PLEKHH1: variants seen among roughly 807,000 people sequenced by gnomAD.
The protein encoded by PLEKHH1 is pleckstrin homology, MyTH4 and FERM domain containing H1.
A neutral mutation model predicts 160.0 loss-of-function variants in PLEKHH1; 104 were observed. The ratio of observed to expected loss-of-function variants is 0.65; its 90% confidence interval spans 0.55 to 0.76. The LOEUF is 0.76. Among genes scored for constraint, PLEKHH1 ranks in the 30% least tolerant of loss-of-function variants. The pLI, the probability that PLEKHH1 is intolerant of heterozygous loss-of-function variation, is 0.00. For synonymous variants in PLEKHH1, 619 were observed against 678.4 expected (o/e 0.91, Z 1.36); for missense variants, 1,427 against 1,724.1 (o/e 0.83, Z 3.05).
intron 8 of PLEKHH1, 53 bp from the exon 9 acceptor site, chr14:67,569,868 C>A (rs1337701291): frequency 2.6e-6 from 3 of 1,167,030 alleles, no homozygotes; most frequent in Non-Finnish European, 3.8e-6. Context: ...TTCCCCCACA[C>A]CCCTTCCTGG....
Position 67,551,434 on chromosome 14 carries a change from C to T in PLEKHH1, c.127-4391C>T, listed in dbSNP as rs188801589. Among the ~76,000 whole-genome samples the T allele has an allele frequency of 3.3e-5, 5 of 152,228 alleles. No individual in the cohort carries two copies. The East Asian group carries it at 9.6e-4, about 29-fold the overall frequency. On this transcript the variant is annotated intron_variant, in intron 2 of 28. Coordinates refer to ENST00000329153, the MANE Select transcript of PLEKHH1 (RefSeq NM_020715.3). Reference sequence around the variant, plus strand: ...GGGGCAGCTTGTGGAATCTTCACAACGATCCTAGGAGGTGTCATTATTATT... The same window carrying T: ...GGGGCAGCTTGTGGAATCTTCACAATGATCCTAGGAGGTGTCATTATTATT...
chr14:67,567,862 C>T (rs549651194), intron 7 of PLEKHH1, among the ~76,000 whole-genome samples: 1 of 152,352 alleles, frequency 6.6e-6, no homozygotes, highest in African/African-American at 2.4e-5. Flanking sequence ...TGGTGACTCA[C>T]GTCACCTTTG....
chr14:67,577,788 T>G (rs2035693370), intron 18 of PLEKHH1, among the ~76,000 whole-genome samples: 1 of 152,180 alleles, frequency 6.6e-6, no homozygotes, highest in Non-Finnish European at 1.5e-5. Context: ...TTAAGGAATT[T>G]GTCTTGTTTA....
chr14:67,557,566 T>C (rs189635021), intron 4 of PLEKHH1, 148 bp downstream of exon 4: 32 of 670,772 alleles, frequency 4.8e-5, no homozygotes, highest in South Asian at 1.2e-4. Flanking sequence ...AATTTAATTA[T>C]AGGAAGGACT....
chr14:67,559,473 A>C, intron 4 of PLEKHH1, 135 bp from the exon 5 acceptor site: 1 of 623,864 alleles, frequency 1.6e-6, no homozygotes, highest in East Asian at 2.8e-5. Flanking sequence ...ATAATATTTC[A>C]ACAAACGATT....
Position 67,573,977 on chromosome 14 carries a change from A to C in PLEKHH1, c.1926+90A>C. ...AGTGAGACAAAGATGGGGCCAAATGAGCATGAATGAAAGACTTCAGATCAA... is the reference window on the plus strand; with the variant it reads ...AGTGAGACAAAGATGGGGCCAAATGCGCATGAATGAAAGACTTCAGATCAA... On this transcript the variant is annotated intron_variant, in intron 13 of 28. Transcript: ENST00000329153. The surrounding 1 kb of genome is among the most constrained non-coding windows in gnomAD (Gnocchi z 4.8). 1 of 928,860 alleles carries C rather than the reference A, an allele frequency of 1.1e-6. No homozygotes were observed. The highest frequency in any genetic ancestry group is 1.4e-5 in the South Asian group (1 of 73,826). The allele number at this position is 928,860 out of a possible 1,614,324, so 57.5% of individuals were successfully genotyped here. A position where few individuals can be genotyped will look rare whatever the true frequency, so the allele number is the denominator to read the frequency against.
rs376686142 is a variant in PLEKHH1 at position 67,589,163 on chromosome 14, G to T, written c.*1928G>T. 5.2e-3 allele frequency: 862 copies of T among 167,230 alleles called. 30 individuals carry two copies. The South Asian group carries it at 0.087, about 17-fold the overall frequency. The allele number at this position is 167,230 out of a possible 1,614,324, so 10.4% of individuals were successfully genotyped here. On this transcript the variant is annotated 3_prime_UTR_variant, in exon 29 of 29. Transcript: ENST00000329153. ...CAGAGAGTTTAGAAGAAAAGTAGGA[G>T]TCCAAAGGAAGAGTAAACAAGAATG... is the stretch of plus-strand genomic sequence containing the variant.
At chr14:67,553,682 T>G (rs2034486340) in intron 2 of PLEKHH1, among the ~76,000 whole-genome samples, 1 of 152,240 alleles carries the variant, frequency 6.6e-6, no homozygotes, top group Admixed American at 6.5e-5. Context: ...GAATTCCTTT[T>G]GCACTGGGCA....
rs1407148645 is a variant in PLEKHH1, at chr14:67,589,115, CA to C, written c.*1882del. 6.5e-6 allele frequency: 1 copy of C among 153,550 alleles called. No individual in the cohort carries two copies. The highest frequency in any genetic ancestry group is 2.4e-5 in the African/African-American group (1 of 41,414). 9.5% of individuals were successfully genotyped at this position (153,550 alleles called of 1,614,324 possible). A position where few individuals can be genotyped will look rare whatever the true frequency, so the allele number is the denominator to read the frequency against. ...ATAATATCTTGGGTATCTCTAAGGC[CA>C]ATAAGGATAACATTATCTACCCAGA... On this transcript the variant is annotated 3_prime_UTR_variant, in exon 29 of 29. Coordinates refer to ENST00000329153, the MANE Select transcript of PLEKHH1 (RefSeq NM_020715.3).
In PLEKHH1 at chr14:67,583,850, G is replaced by A. The variant is rs769056448; in HGVS notation, c.3536G>A (p.Arg1179His). Residue 1179 changes from arginine to histidine, a missense_variant, in exon 25 of 29, where the codon CGC becomes CAC. By Grantham distance (29) the Arg-to-His change is conservative (BLOSUM62 0). Transcript: ENST00000329153. Reference sequence around the variant, plus strand: ...GTCCTAGACAGGTTCCACCCCAGGCGCTATAGACATGGGGCCCCCGCTGAA... The same window carrying A: ...GTCCTAGACAGGTTCCACCCCAGGCACTATAGACATGGGGCCCCCGCTGAA... ...QQVLDRFHPR[R>H]YRHGAPAEQL... 82 of 1,613,214 alleles carry A rather than the reference G, an allele frequency of 5.1e-5. No individual in the cohort carries two copies. In the Admixed American group the frequency reaches 7.3e-4, roughly 14 times the overall value.
At position 67,574,233 on chromosome 14, in the gene PLEKHH1, C is replaced by T. The variant is rs551888745; in HGVS notation, c.1927-9C>T. 1.6e-5 allele frequency: 26 copies of T among 1,585,354 alleles called. No homozygotes were observed. The South Asian group carries it at 2.7e-4, about 16-fold the overall frequency. ...GTGCTGCCCCACCCCCATATCTCGC[C>T]CTCCACAGCTCATCTCTGAGAAGAA... On this transcript the variant is annotated splice_polypyrimidine_tract_variant and intron_variant, in intron 13 of 28. Transcript: ENST00000329153. This position sits in a 1 kb window ranked among gnomAD's most constrained non-coding sequence, Gnocchi z 4.2.
intron 2 of PLEKHH1, among the ~76,000 whole-genome samples, chr14:67,552,506 G>A (rs183669279): frequency 3.4e-4 from 52 of 152,328 alleles, no homozygotes; most frequent in Non-Finnish European, 5.9e-4. Flanking sequence ...GGTGGCTCAC[G>A]CCTGTAATTC....
intron 2 of PLEKHH1, among the ~76,000 whole-genome samples, chr14:67,546,415 T>G (rs2034183158): frequency 6.6e-6 from 1 of 152,022 alleles, no homozygotes; most frequent in Non-Finnish European, 1.5e-5. Context: ...TTGTTTTTGT[T>G]TTTGAGACAA....
chr14:67,560,122 G>A (rs2034770570), intron 5 of PLEKHH1, among the ~76,000 whole-genome samples: 1 of 152,184 alleles, frequency 6.6e-6, no homozygotes, highest in African/African-American at 2.4e-5. Context: ...CGCCTCCCGG[G>A]TTCAACCGAT....
intron 2 of PLEKHH1, among the ~76,000 whole-genome samples, chr14:67,549,960 C>A (rs1275743616): frequency 6.6e-6 from 1 of 152,182 alleles, no homozygotes; most frequent in Non-Finnish European, 1.5e-5. Context: ...TCTGCCATGG[C>A]CTTACCCCGG....
In PLEKHH1 at chr14:67,572,284, C is replaced by G; in HGVS notation, c.1728+7C>G. ...CGGGCTGGGCCTGGGCGGGGTGAGC[C>G]GGGAAACGGGCGGGGGCAGGGTGGA... On this transcript the variant is annotated splice_region_variant and intron_variant, in intron 11 of 28. Coordinates refer to ENST00000329153, the MANE Select transcript of PLEKHH1 (RefSeq NM_020715.3). 6.3e-7 allele frequency: 1 copy of G among 1,584,042 alleles called. No individual in the cohort carries two copies. The highest frequency in any genetic ancestry group is 8.6e-7 in the Non-Finnish European group (1 of 1,168,740).
In PLEKHH1 at chr14:67,575,872, A is replaced by G. The variant is rs748522449; in HGVS notation, c.2219A>G (p.Asp740Gly). 2 of 1,613,958 alleles carry G rather than the reference A, an allele frequency of 1.2e-6. No homozygotes were observed. The highest frequency in any genetic ancestry group is 4.5e-5 in the East Asian group (2 of 44,878). ...CGGGATGCGCACATAGAGGAAGTAG[A>G]TCGATCCTGTGACTCAGACGAGGAC... Reference protein sequence around the residue: ...PVRDAHIEEVDRSCDSDEDYE... With the variant: ...PVRDAHIEEVGRSCDSDEDYE... Residue 740 changes from aspartate to glycine, a missense_variant, in exon 16 of 29, where the codon GAT becomes GGT. Around this residue, in one of 6 missense-constraint regions of PLEKHH1, gnomAD observed 831 missense variants for 929.2 expected, o/e 0.89. Transcript: ENST00000329153.
intron 27 of PLEKHH1, 142 bp downstream of exon 27, chr14:67,585,796 T>C: frequency 2.0e-6 from 2 of 1,014,292 alleles, no homozygotes; most frequent in Non-Finnish European, 3.0e-6. Flanking sequence ...TCCTCTAGTC[T>C]AGACACTGCT....
intron 3 of PLEKHH1, among the ~76,000 whole-genome samples, chr14:67,556,498 G>A (rs991126256): frequency 6.6e-6 from 1 of 151,990 alleles, no homozygotes; most frequent in African/African-American, 2.4e-5. Flanking sequence ...GGCTGGTCTT[G>A]AACTCCTGGG....
Sources: gnomAD v4.1 joint callset for allele counts (sites outside exome capture counted in the v4.1 genomes callset) on GRCh38, gnomAD v4.1.1 for gene constraint, gnomAD v4.1.1 regional missense constraint, Gnocchi (gnomAD v3.1) non-coding constraint, MANE v1.5 for transcripts, NCBI Gene and HGNC (gene_info 2026-07-23, HGNC 2026-07-21) for gene names.